Variants in EFCAB6 observed in about 807,000 individuals in gnomAD.
EFCAB6 encodes the protein EF-hand calcium binding domain 6, also known as EF-hand calcium-binding domain-containing protein 6.
EFCAB6 carries 156 observed loss-of-function variants against 169.8 expected under a neutral mutation model. The observed-to-expected ratio is 0.92, with a 90% CI of 0.81 to 1.05. EFCAB6 has a LOEUF of 1.05. Ranked by LOEUF, EFCAB6 falls within the 50% of genes least tolerant of loss-of-function variation. The pLI, the probability that EFCAB6 is intolerant of heterozygous loss-of-function variation, is 0.00. For synonymous variants in EFCAB6, 698 were observed against 676.4 expected, an observed-to-expected ratio of 1.03 and a Z score of -0.50; for missense variants, 1,800 against 1,829.1, an observed-to-expected ratio of 0.98 and a Z score of 0.29.
At chr22:43,552,654 T>A (rs1569146229) in intron 27 of EFCAB6, 1 of 152,124 alleles carries the variant, frequency 6.6e-6, no homozygotes, top group Non-Finnish European at 1.5e-5. Flanking sequence ...AGTGTTTAAT[T>A]TGGTTGGGGA....
chr22:43,600,282 A>G lies in EFCAB6; in HGVS notation c.2682-19T>C, dbSNP rs2052402159. ...GTCGTATCTTAAAACAAAAACAAAA[A>G]CAGAAAGCACTTCTCAGTAGCCAGT... On this transcript the variant is annotated intron_variant, in intron 22 of 31. Coordinates refer to ENST00000262726, the MANE Select transcript of EFCAB6 (RefSeq NM_022785.4). 2 of 1,611,852 alleles carry G rather than the reference A, an allele frequency of 1.2e-6. No homozygotes were observed. Among genetic ancestry groups the G allele is most frequent in the Admixed American group, 1.7e-5 (1 of 59,814 alleles).
chr22:43,580,401 C>A, intron 25 of EFCAB6, 63 bp downstream of exon 25: 1 of 1,561,560 alleles, frequency 6.4e-7, no homozygotes. Context: ...CAGGGTGGGG[C>A]TGAGAGGTGT....
At chr22:43,798,496 G>A (rs1569494540) in intron 2 of EFCAB6, among the ~76,000 whole-genome samples, 2 of 152,154 alleles carry the variant, frequency 1.3e-5, no homozygotes, top group Non-Finnish European at 2.9e-5. Flanking sequence ...CCTCATGCTA[G>A]GCTGGCTTCC....
chr22:43,592,129 G>A (rs950044426), intron 23 of EFCAB6, among the ~76,000 whole-genome samples: 6 of 152,198 alleles, frequency 3.9e-5, no homozygotes, highest in South Asian at 2.1e-4. Context: ...GAAAAGAAAC[G>A]TCAGGACTCT....
Position 43,537,416 on chromosome 22 carries a change from C to A in EFCAB6, c.4009G>T (p.Val1337Leu). 2 of 1,614,132 alleles carry A rather than the reference C, an allele frequency of 1.2e-6. No individual in the cohort carries two copies. The highest frequency in any genetic ancestry group is 2.2e-5 in the East Asian group (1 of 44,876). Residue 1337 changes from valine to leucine, a missense_variant, in exon 29 of 32, where the codon GTG (valine) becomes TTG (leucine). Transcript: ENST00000262726. This position sits in a 1 kb window ranked among gnomAD's most constrained non-coding sequence, Gnocchi z 4.3. ...GCGTTGATGTCCCCCTGTCTGGCCA[C>A]GTCCTTCTCCTTGCATTCTTTCAGG... ...QLLKECKEKDVARQGDINASD... is the reference protein window; with the variant it reads ...QLLKECKEKDLARQGDINASD...
intron 17 of EFCAB6, among the ~76,000 whole-genome samples, chr22:43,653,301 A>G (rs1602981489): frequency 6.6e-6 from 1 of 152,222 alleles, no homozygotes; most frequent in East Asian, 1.9e-4. Flanking sequence ...CCAAAGACAG[A>G]GGAAAATCTT....
chr22:43,711,691 T>G (rs556388405), intron 9 of EFCAB6, 68 bp from the exon 10 acceptor site: 4 of 1,534,686 alleles, frequency 2.6e-6, no homozygotes, highest in East Asian at 4.8e-5. Flanking sequence ...TCAACCATTT[T>G]ATTTTTACCA....
rs190102195 is a variant in EFCAB6 at position 43,638,987 on chromosome 22, G to A, written c.1984-3771C>T. ...TTTAGTAGAGATGGGGTTTCTCCAT[G>A]TTGATCAGGCTGGTCTCGAACTCCT... On this transcript the variant is annotated intron_variant, in intron 17 of 31. Transcript: ENST00000262726. 2.4e-3 allele frequency among the ~76,000 whole-genome samples: 366 copies of A among 151,756 alleles called. 1 individual carries two copies. The highest frequency in any genetic ancestry group is 8.3e-3 in the African/African-American group (343 of 41,340).
chr22:43,565,108 G>C (rs990462843), intron 26 of EFCAB6, among the ~76,000 whole-genome samples: 2 of 152,214 alleles, frequency 1.3e-5, no homozygotes, highest in Non-Finnish European at 2.9e-5. Context: ...TTTGGCCAGT[G>C]GAATGTGGGT....
chr22:43,701,358 A>G (rs2058758398), intron 10 of EFCAB6, among the ~76,000 whole-genome samples: 3 of 152,240 alleles, frequency 2.0e-5, no homozygotes, highest in Admixed American at 1.3e-4. Flanking sequence ...TAAGTCCTCA[A>G]CAATCACCAT....
In EFCAB6 at chr22:43,711,614, A is replaced by G. The variant is rs754077020; in HGVS notation, c.892T>C (p.Ser298Pro). Reference sequence around the variant, plus strand: ...AGGGCCTTTTCAACCTTTTCATAAGACTTCGAAAGCTGCAATAAATTGAAA... The same window carrying G: ...AGGGCCTTTTCAACCTTTTCATAAGGCTTCGAAAGCTGCAATAAATTGAAA... Reference protein sequence around the residue: ...ERNFCLQLSKSYEKVEKALSA... With the variant: ...ERNFCLQLSKPYEKVEKALSA... The change falls in exon 10 of 32, where the codon TCT (serine) becomes CCT (proline). Residue 298 changes from serine (S) to proline (P), a missense_variant. Physicochemically the swap from Ser to Pro is moderately conservative, Grantham distance 74. Coordinates refer to ENST00000262726, the MANE Select transcript of EFCAB6 (RefSeq NM_022785.4). The G allele has an allele frequency of 6.3e-5, 100 of 1,580,506 alleles. No homozygotes were observed. Among genetic ancestry groups the G allele is most frequent in the Non-Finnish European group, 7.9e-5 (92 of 1,171,890 alleles).
intron 20 of EFCAB6, among the ~76,000 whole-genome samples, chr22:43,618,308 CA>C (rs2147753810): frequency 7.3e-6 from 1 of 137,604 alleles, no homozygotes; most frequent in South Asian, 2.3e-4. Flanking sequence ...AATGATGGGG[CA>C]GGGGAGACTT....
In EFCAB6 at chr22:43,580,410, G is replaced by A. The variant is rs1602398582; in HGVS notation, c.3228+54C>T. ...GGGTTTCAGGGTGGGGCTGAGAGGT[G>A]TTTTCATGAATCAAGATGAGTTTTC... On this transcript the variant is annotated intron_variant, in intron 25 of 31. Transcript: ENST00000262726. The A allele has an allele frequency of 3.8e-6, 6 of 1,586,096 alleles. No homozygotes were observed. The South Asian group carries it at 6.9e-5, about 18-fold the overall frequency.
At chr22:43,716,794 T>C in intron 9 of EFCAB6, 54 bp downstream of exon 9, 1 of 1,552,036 alleles carries the variant, frequency 6.4e-7, no homozygotes, top group Non-Finnish European at 8.7e-7. Context: ...TTCCATATTG[T>C]CTACTTTGCT....
intron 8 of EFCAB6, among the ~76,000 whole-genome samples, chr22:43,729,376 C>A (rs749454713): frequency 2.6e-5 from 4 of 152,176 alleles, no homozygotes; most frequent in South Asian, 2.1e-4. Flanking sequence ...GGATTACAGG[C>A]GTGAGCCACC....
At chr22:43,773,197 T>C in intron 3 of EFCAB6, 94 bp from the exon 4 acceptor site, 1 of 1,221,050 alleles carries the variant, frequency 8.2e-7, no homozygotes, top group South Asian at 1.5e-5. Flanking sequence ...AGAAAACTTA[T>C]TAGATGGTAT....
intron 23 of EFCAB6, among the ~76,000 whole-genome samples, chr22:43,592,053 T>C (rs2051593686): frequency 6.6e-6 from 1 of 152,134 alleles, no homozygotes; most frequent in Non-Finnish European, 1.5e-5. Flanking sequence ...AAATCTTTGG[T>C]GGTAATTGTC....
Position 43,632,097 on chromosome 22 carries a change from C to T in EFCAB6, c.2232+8G>A, listed in dbSNP as rs754156208. 17 of 1,613,224 alleles carry T rather than the reference C, an allele frequency of 1.1e-5. No homozygotes were observed. Among genetic ancestry groups the T allele is most frequent in the Middle Eastern group, 1.6e-4 (1 of 6,074 alleles). On this transcript the variant is annotated splice_region_variant and intron_variant, in intron 19 of 31. Coordinates refer to ENST00000262726, the MANE Select transcript of EFCAB6 (RefSeq NM_022785.4). ...AGAGAAGCCCAGCGCCAGACAGTCA[C>T]GGTTTACCCGGAATGACTCCTTCAG... is the stretch of plus-strand genomic sequence containing the variant.
intron 17 of EFCAB6, among the ~76,000 whole-genome samples, chr22:43,642,929 G>T (rs139273283): frequency 1.3e-5 from 2 of 152,176 alleles, no homozygotes; most frequent in African/African-American, 4.8e-5. Context: ...ACAGGGCGCA[G>T]GGCATCTCAG....
Sources: allele counts gnomAD v4.1 joint callset (sites outside exome capture counted in the v4.1 genomes callset), GRCh38; gene constraint gnomAD v4.1.1; non-coding constraint Gnocchi (gnomAD v3.1); transcripts MANE v1.5; gene names NCBI Gene and HGNC (gene_info 2026-07-23, HGNC 2026-07-21).